The following CCDC192 variants were observed in gnomAD, a reference collection of about 807,000 sequenced individuals.
CCDC192 encodes coiled-coil domain containing 192.
rs190894616 is a variant in CCDC192, at chr5:127,893,641, T to C, written c.535+17980T>C. On this transcript the variant is annotated intron_variant, in intron 6 of 6. Transcript: ENST00000514853. ...AAATGCCAACTGGAACTTACTAACTTGTCCAGAACATCAACATGACAAAGG... is the reference window on the plus strand; with the variant it reads ...AAATGCCAACTGGAACTTACTAACTCGTCCAGAACATCAACATGACAAAGG... Among the ~76,000 whole-genome samples the C allele has an allele frequency of 8.0e-4, 122 of 152,340 alleles. 4 individuals are homozygous for C. Among genetic ancestry groups the C allele is most frequent in the Admixed American group, 9.1e-4 (14 of 15,306 alleles).
intron 3 of CCDC192, chr5:127,786,572 A>T: frequency 1.4e-6 from 1 of 701,910 alleles, no homozygotes; most frequent in Admixed American, 1.9e-5. Context: ...GCAAGGGAAT[A>T]GATTTCACAT....
At chr5:127,876,487 TGA>T (rs1752083853) in intron 6 of CCDC192, among the ~76,000 whole-genome samples, 1 of 152,216 alleles carries the variant, frequency 6.6e-6, no homozygotes, top group Non-Finnish European at 1.5e-5. Context: ...GAGCAGCCGC[TGA>T]CCATACCCTA....
intron 5 of CCDC192, among the ~76,000 whole-genome samples, chr5:127,817,293 G>T (rs890587196): frequency 6.6e-6 from 1 of 152,054 alleles, no homozygotes; most frequent in Non-Finnish European, 1.5e-5. Context: ...CTGTTCCTAG[G>T]TATATACTGC....
chr5:127,849,861 A>G (rs762285971), intron 5 of CCDC192, among the ~76,000 whole-genome samples: 1 of 152,248 alleles, frequency 6.6e-6, no homozygotes, highest in Non-Finnish European at 1.5e-5. Flanking sequence ...TAGGACTCAG[A>G]AAATCCAAAT....
rs561396226 is a variant in CCDC192 at position 127,907,764 on chromosome 5, A to T, written c.535+32103A>T. 3.3e-5 allele frequency among the ~76,000 whole-genome samples: 5 copies of T among 152,360 alleles called. 1 individual carries two copies. The East Asian group carries it at 9.7e-4, about 29-fold the overall frequency. ...AAGATTTATTATTTATCAAAAATTAAGTCATCAAAAATCTTTGGTATGCTG... is the reference window on the plus strand; with the variant it reads ...AAGATTTATTATTTATCAAAAATTATGTCATCAAAAATCTTTGGTATGCTG... On this transcript the variant is annotated intron_variant, in intron 6 of 6. Transcript: ENST00000514853.
At chr5:127,827,985 C>G (rs1749612077) in intron 5 of CCDC192, among the ~76,000 whole-genome samples, 1 of 152,292 alleles carries the variant, frequency 6.6e-6, no homozygotes, top group African/African-American at 2.4e-5. Context: ...CTGCTCACTG[C>G]AACCTCTGCC....
intron 3 of CCDC192, chr5:127,784,770 A>G (rs989651613): frequency 3.0e-5 from 15 of 500,544 alleles, no homozygotes; most frequent in Admixed American, 4.7e-5. Context: ...TGGTGTTTCA[A>G]AACCTTCCTC....
Position 127,806,646 on chromosome 5 carries a change from T to C in CCDC192, c.411+8484T>C, listed in dbSNP as rs529121568. On this transcript the variant is annotated intron_variant, in intron 5 of 6. Coordinates refer to ENST00000514853, the MANE Select transcript of CCDC192 (RefSeq NM_001317938.2). Reference sequence around the variant, plus strand: ...TCAAATACAGATCAGTTACAATCCCTATTTACTTGCTGAAAAATCGGATGG... The same window carrying C: ...TCAAATACAGATCAGTTACAATCCCCATTTACTTGCTGAAAAATCGGATGG... Among the ~76,000 whole-genome samples the C allele has an allele frequency of 2.0e-4, 31 of 152,170 alleles. No homozygotes were observed. In the South Asian group the frequency reaches 6.4e-3, roughly 32 times the overall value.
chr5:127,889,407 CTT>C (rs5871279), intron 6 of CCDC192, among the ~76,000 whole-genome samples: 244 of 128,844 alleles, frequency 1.9e-3, no homozygotes, highest in Non-Finnish European at 2.8e-3. Flanking sequence ...TTCTTTCTTT[CTT>C]TTTTTTTTTT....
rs932383562 is a variant in CCDC192, at chr5:127,765,347, C to T, written c.222+10972C>T. ...AATGTAAAACAATACCACTTTTTTA[C>T]TGTTTCATTTTTGTTTAGTTTTGAA... is the stretch of plus-strand genomic sequence containing the variant. On this transcript the variant is annotated intron_variant, in intron 3 of 6. Coordinates refer to ENST00000514853, the MANE Select transcript of CCDC192 (RefSeq NM_001317938.2). Among the ~76,000 whole-genome samples the T allele has an allele frequency of 3.3e-5, 5 of 151,988 alleles. No individual in the cohort carries two copies. In the East Asian group the frequency reaches 9.6e-4, roughly 29 times the overall value.
At position 127,736,661 on chromosome 5, in the gene CCDC192, A is replaced by G. The variant is rs1275332804; in HGVS notation, c.115-17607A>G. On this transcript the variant is annotated intron_variant, in intron 2 of 6. Coordinates refer to ENST00000514853, the MANE Select transcript of CCDC192 (RefSeq NM_001317938.2). Reference sequence around the variant, plus strand: ...CTTCTTCCTGGTTTAGTCTTGGGAGAGTGTATGTGTCCAGGAATTTATCCA... The same window carrying G: ...CTTCTTCCTGGTTTAGTCTTGGGAGGGTGTATGTGTCCAGGAATTTATCCA... Among the ~76,000 whole-genome samples the G allele has an allele frequency of 5.9e-5, 9 of 151,574 alleles. No individual in the cohort carries two copies. The East Asian group carries it at 1.4e-3, about 23-fold the overall frequency.
At chr5:127,912,238 A>T (rs1402456962) in intron 6 of CCDC192, among the ~76,000 whole-genome samples, 1 of 151,784 alleles carries the variant, frequency 6.6e-6, no homozygotes, top group African/African-American at 2.4e-5. Flanking sequence ...CCCAAAAAAA[A>T]TTTTTGTCAG....
rs536178718 is a variant in CCDC192, at chr5:127,723,802, C to T, written c.114+16042C>T. On this transcript the variant is annotated intron_variant, in intron 2 of 6. Coordinates refer to ENST00000514853, the MANE Select transcript of CCDC192 (RefSeq NM_001317938.2). ...GCCCTCAGTCTCACCAGGCAGATTGCGTAACATCAGCTTAACTTATTTTGA... is the reference window on the plus strand; with the variant it reads ...GCCCTCAGTCTCACCAGGCAGATTGTGTAACATCAGCTTAACTTATTTTGA... Among the ~76,000 whole-genome samples the T allele has an allele frequency of 5.3e-5, 8 of 152,216 alleles. No individual in the cohort carries two copies. In the South Asian group the frequency reaches 6.2e-4, roughly 12 times the overall value.
At chr5:127,818,712 A>T (rs1488064262) in intron 5 of CCDC192, among the ~76,000 whole-genome samples, 2 of 152,148 alleles carry the variant, frequency 1.3e-5, no homozygotes. Flanking sequence ...AGGGAGAGGA[A>T]CTGTCCAAGG....
intron 2 of CCDC192, 55 bp downstream of exon 2, chr5:127,707,815 G>T: frequency 2.5e-6 from 1 of 396,806 alleles, no homozygotes; most frequent in South Asian, 1.3e-4. Context: ...TACAGGTAAT[G>T]AAACTAACTT....
intron 5 of CCDC192, among the ~76,000 whole-genome samples, chr5:127,810,644 C>T (rs1758030074): frequency 6.6e-6 from 1 of 152,120 alleles, no homozygotes; most frequent in African/African-American, 2.4e-5. Flanking sequence ...AAATCAAGCC[C>T]AGCACTCAAT....
chr5:127,851,191 A>G (rs964305638), intron 5 of CCDC192, among the ~76,000 whole-genome samples: 2 of 152,126 alleles, frequency 1.3e-5, no homozygotes, highest in African/African-American at 4.8e-5. Flanking sequence ...AATTATTTTT[A>G]TTAAATTGGT....
chr5:127,803,813 G>A (rs1315908859), intron 5 of CCDC192, among the ~76,000 whole-genome samples: 1 of 152,220 alleles, frequency 6.6e-6, no homozygotes, highest in Non-Finnish European at 1.5e-5. Flanking sequence ...TAATTGGGTG[G>A]TAGGCACTCA....
At chr5:127,832,593 G>T (rs1749853241) in intron 5 of CCDC192, among the ~76,000 whole-genome samples, 1 of 152,132 alleles carries the variant, frequency 6.6e-6, no homozygotes, top group African/African-American at 2.4e-5. Context: ...ATTCAGAATA[G>T]TGATTGCCTC....
Sources: gnomAD v4.1 joint callset for allele counts (sites outside exome capture counted in the v4.1 genomes callset) on GRCh38, gnomAD v4.1.1 for gene constraint, MANE v1.5 for transcripts, NCBI Gene and HGNC (gene_info 2026-07-23, HGNC 2026-07-21) for gene names.